Variants in SUCLA2 observed in about 807,000 individuals in gnomAD.
The protein encoded by SUCLA2 is succinate-CoA ligase ADP-forming subunit beta, also known as succinate--CoA ligase [ADP-forming] subunit beta, mitochondrial.
In SUCLA2, 30 loss-of-function variants were observed where a neutral mutation model predicts 54.8. The ratio of observed to expected loss-of-function variants is 0.55; its 90% CI spans 0.41 to 0.74. The LOEUF is 0.74. SUCLA2 is among the 30% of genes least tolerant of loss of function. The pLI, the probability that SUCLA2 is intolerant of heterozygous loss-of-function variation, is 0.00. For synonymous variants in SUCLA2, 172 were observed against 188.9 expected (o/e 0.91, Z 0.74); for missense variants, 476 against 562.9 (o/e 0.85, Z 1.56).
intron 2 of SUCLA2, among the ~76,000 whole-genome samples, chr13:47,995,744 C>T (rs2031590): frequency 0.62 from 95,002 of 152,074 alleles, 30,634 homozygotes; most frequent in East Asian, 0.77. Flanking sequence ...ATTTAAAATA[C>T]TGCTAAAAAG....
chr13:47,953,714 C>A (rs1949794395), intron 8 of SUCLA2, among the ~76,000 whole-genome samples: 1 of 152,054 alleles, frequency 6.6e-6, no homozygotes, highest in African/African-American at 2.4e-5. Flanking sequence ...GTGAAGAATT[C>A]TCGGTTTAAA....
At chr13:47,967,295 AAAAAG>A (rs1949926930) in intron 6 of SUCLA2, among the ~76,000 whole-genome samples, 1 of 152,188 alleles carries the variant, frequency 6.6e-6, no homozygotes, top group African/African-American at 2.4e-5. Flanking sequence ...GAAAGCTTAA[AAAAAG>A]AAAATAAAGT....
chr13:47,961,468 C>A (rs1379549394), intron 6 of SUCLA2, among the ~76,000 whole-genome samples: 3 of 152,090 alleles, frequency 2.0e-5, no homozygotes, highest in South Asian at 2.1e-4. Flanking sequence ...TGATATTTGG[C>A]AAACTTTCTA....
At chr13:47,962,083 T>C (rs1250476996) in intron 6 of SUCLA2, among the ~76,000 whole-genome samples, 2 of 152,214 alleles carry the variant, frequency 1.3e-5, no homozygotes, top group African/African-American at 4.8e-5. Context: ...TAATGAAGAC[T>C]GAAATAATTT....
At chr13:47,985,076 T>C (rs1950090511) in intron 4 of SUCLA2, among the ~76,000 whole-genome samples, 1 of 152,216 alleles carries the variant, frequency 6.6e-6, no homozygotes, top group African/African-American at 2.4e-5. Context: ...ATTCACTTTC[T>C]GGCAAGCCAA....
chr13:47,946,137 G>C (rs1417711302), intron 10 of SUCLA2, among the ~76,000 whole-genome samples: 1 of 152,170 alleles, frequency 6.6e-6, no homozygotes, highest in Non-Finnish European at 1.5e-5. Flanking sequence ...AAGATATTTT[G>C]AGAGACCACA....
chr13:47,965,695 T>C, intron 6 of SUCLA2: 1 of 398,358 alleles, frequency 2.5e-6, no homozygotes, highest in Middle Eastern at 6.3e-4. Flanking sequence ...CATTTGAATA[T>C]GTATTATGAA....
At chr13:47,984,708 G>A (rs1007563600) in intron 4 of SUCLA2, among the ~76,000 whole-genome samples, 19 of 151,912 alleles carry the variant, frequency 1.3e-4, no homozygotes, top group African/African-American at 3.4e-4. Flanking sequence ...CTTGGGAGGC[G>A]GAGGTTGCAG....
chr13:47,969,353 T>C (rs1949943765), intron 5 of SUCLA2, among the ~76,000 whole-genome samples: 1 of 152,228 alleles, frequency 6.6e-6, no homozygotes. Context: ...ATGAGTGTTA[T>C]CCCATTTATT....
chr13:47,961,080 G>C (rs55910625), intron 6 of SUCLA2, among the ~76,000 whole-genome samples: 3 of 152,228 alleles, frequency 2.0e-5, no homozygotes, highest in Non-Finnish European at 4.4e-5. Context: ...AAGAAAATTG[G>C]GGCCAGTTAT....
intron 2 of SUCLA2, among the ~76,000 whole-genome samples, chr13:47,994,625 C>T (rs1950176856): frequency 1.3e-5 from 2 of 149,448 alleles, no homozygotes; most frequent in Non-Finnish European, 3.0e-5. Context: ...ATAGACGTTT[C>T]TAAATTTATC....
intron 4 of SUCLA2, among the ~76,000 whole-genome samples, chr13:47,984,885 T>C (rs1439240149): frequency 6.6e-6 from 1 of 152,230 alleles, no homozygotes; most frequent in Non-Finnish European, 1.5e-5. Flanking sequence ...AAGTCAAAAA[T>C]TGACACAGGA....
intron 10 of SUCLA2, among the ~76,000 whole-genome samples, chr13:47,945,058 T>A (rs780790750): frequency 1.7e-4 from 26 of 152,054 alleles, no homozygotes; most frequent in East Asian, 5.8e-4. Flanking sequence ...AAGACCAGCC[T>A]GACCAACATG....
At chr13:47,957,081 C>A (rs955929437) in intron 6 of SUCLA2, among the ~76,000 whole-genome samples, 2 of 152,154 alleles carry the variant, frequency 1.3e-5, no homozygotes, top group African/African-American at 4.8e-5. Flanking sequence ...TGAAACTCAC[C>A]AGATCACCAC....
At chr13:47,994,385 T>C (rs536492471) in intron 2 of SUCLA2, among the ~76,000 whole-genome samples, 16 of 152,058 alleles carry the variant, frequency 1.1e-4, no homozygotes, top group African/African-American at 3.4e-4. Context: ...CTGACCAACA[T>C]GGTGAAACCC....
chr13:47,987,937 G>C (rs754747998), intron 4 of SUCLA2: 1 of 151,890 alleles, frequency 6.6e-6, no homozygotes, highest in Non-Finnish European at 1.5e-5. Context: ...CCAAACACCA[G>C]GTCTATAAAG....
chr13:47,962,525 G>C (rs12431098), intron 6 of SUCLA2, among the ~76,000 whole-genome samples: 10,199 of 152,216 alleles, frequency 0.067, 645 homozygotes, highest in East Asian at 0.18. Flanking sequence ...TATTTTGCAG[G>C]TAGATTGGTA....
rs1949755340 is a variant in SUCLA2 at position 47,948,843 on chromosome 13, AT to A, written c.1317+96del. ...TTTAACCATTCATTACACTCATAAT[AT>A]TTAGCTGAAACACAAATTATTAGCT... is the stretch of plus-strand genomic sequence containing the variant. On this transcript the variant is annotated intron_variant, in intron 10 of 10. Coordinates refer to ENST00000646932, the MANE Select transcript of SUCLA2 (RefSeq NM_003850.3). 2.6e-6 allele frequency: 3 copies of A among 1,160,398 alleles called. No homozygotes were observed. The Admixed American group carries it at 5.1e-5, about 20-fold the overall frequency. 71.9% of individuals were successfully genotyped at this position (1,160,398 alleles called of 1,614,324 possible).
rs1949696421 is a variant in SUCLA2 at position 47,942,859 on chromosome 13, G to A, written c.*512C>T. Reference sequence around the variant, plus strand: ...AGTTACTTCATCAAAATACTTAGAAGAATATTCTGAGGAGTGTTTGAAAGC... The same window carrying A: ...AGTTACTTCATCAAAATACTTAGAAAAATATTCTGAGGAGTGTTTGAAAGC... On this transcript the variant is annotated 3_prime_UTR_variant, in exon 11 of 11. Coordinates refer to ENST00000646932, the MANE Select transcript of SUCLA2 (RefSeq NM_003850.3). 1 of 154,724 alleles carries A rather than the reference G, an allele frequency of 6.5e-6. No homozygotes were observed. Among genetic ancestry groups the A allele is most frequent in the Non-Finnish European group, 1.4e-5 (1 of 69,456 alleles). 9.6% of individuals were successfully genotyped at this position (154,724 alleles called of 1,614,324 possible).
Sources: allele counts gnomAD v4.1 joint callset (sites outside exome capture counted in the v4.1 genomes callset), GRCh38; gene constraint gnomAD v4.1.1; transcripts MANE v1.5; gene names NCBI Gene and HGNC (gene_info 2026-07-23, HGNC 2026-07-21).